C6orf118: variants seen among roughly 807,000 people sequenced by gnomAD.
The protein encoded by C6orf118 is chromosome 6 open reading frame 118.
Under a neutral mutation model 50.2 loss-of-function variants are expected in C6orf118, and 50 were observed. That is an observed-to-expected ratio of 1.00 (90% CI 0.79 to 1.26). The LOEUF (loss-of-function observed/expected upper bound fraction) is 1.26, where lower values mean the gene tolerates loss of function less well. Among genes scored for constraint, C6orf118 ranks in the 50% most tolerant of loss-of-function variants. C6orf118 has a pLI of 0.00. For missense variants in C6orf118, 641 were observed against 578.7 expected (o/e 1.11, Z -1.10); for synonymous variants, 239 against 230.9 (o/e 1.03, Z -0.32).
At chr6:165,291,333 G>GTA (rs1780097747) in intron 6 of C6orf118, among the ~76,000 whole-genome samples, 1 of 152,218 alleles carries the variant, frequency 6.6e-6, no homozygotes, top group African/African-American at 2.4e-5. Flanking sequence ...TAGCTCAGTT[G>GTA]TAGCTAGAAA....
intron 1 of C6orf118, among the ~76,000 whole-genome samples, chr6:165,302,812 C>G (rs762641311): frequency 6.6e-6 from 1 of 152,170 alleles, no homozygotes; most frequent in Non-Finnish European, 1.5e-5. Flanking sequence ...CCTACAGAGC[C>G]AACCCCCAGG....
At chr6:165,300,630 G>C in intron 2 of C6orf118, 144 bp from the exon 3 acceptor site, 1 of 636,890 alleles carries the variant, frequency 1.6e-6, no homozygotes, top group South Asian at 2.3e-5. Flanking sequence ...CGGGGGTTCT[G>C]ATCCCTCCCA....
At chr6:165,306,424 T>C (rs112208560) in intron 1 of C6orf118, among the ~76,000 whole-genome samples, 12,415 of 132,194 alleles carry the variant, frequency 0.094, 719 homozygotes, top group Non-Finnish European at 0.13. Flanking sequence ...TGTATACATA[T>C]GTAACTAACC....
At chr6:165,297,649 T>TA (rs949985600) in intron 5 of C6orf118, among the ~76,000 whole-genome samples, 10 of 152,072 alleles carry the variant, frequency 6.6e-5, no homozygotes, top group African/African-American at 2.2e-4. Context: ...CTTTGTAAGT[T>TA]AAAAAACAAT....
intron 5 of C6orf118, among the ~76,000 whole-genome samples, chr6:165,297,492 T>C (rs886478798): frequency 6.6e-6 from 1 of 152,144 alleles, no homozygotes; most frequent in Non-Finnish European, 1.5e-5. Flanking sequence ...ATTTTGTTTT[T>C]TGGTTTTGTT....
chr6:165,281,440 T>G, intron 8 of C6orf118, 200 bp downstream of exon 8: 3 of 1,219,722 alleles, frequency 2.5e-6, no homozygotes, highest in Non-Finnish European at 3.2e-6. Flanking sequence ...GAGAACAGCA[T>G]GATACTGCTC....
intron 5 of C6orf118, among the ~76,000 whole-genome samples, 191 bp from the exon 6 acceptor site, chr6:165,293,662 T>C (rs927886496): frequency 6.6e-6 from 1 of 152,248 alleles, no homozygotes; most frequent in African/African-American, 2.4e-5. Flanking sequence ...AAAATAATAC[T>C]GTCTTACCAA....
At chr6:165,284,568 C>G (rs1779840068) in intron 7 of C6orf118, among the ~76,000 whole-genome samples, 1 of 151,988 alleles carries the variant, frequency 6.6e-6, no homozygotes, top group Non-Finnish European at 1.5e-5. Context: ...TTAAGGGTAG[C>G]CAGAGAGAAA....
At chr6:165,286,957 G>T (rs1041352850) in intron 7 of C6orf118, among the ~76,000 whole-genome samples, 1 of 152,060 alleles carries the variant, frequency 6.6e-6, no homozygotes, top group Non-Finnish European at 1.5e-5. Flanking sequence ...AGAAATAAAG[G>T]GTATTGAAAT....
rs776887434 is a variant in C6orf118 at position 165,309,571 on chromosome 6, C to T, written c.16G>A (p.Glu6Lys). The T allele has an allele frequency of 5.6e-6, 9 of 1,614,084 alleles. No individual in the cohort carries two copies. The South Asian group carries it at 9.9e-5, about 18-fold the overall frequency. Residue 6 changes from glutamate (E) to lysine (K), a missense_variant, in exon 1 of 9, where the codon GAG becomes AAG. Physicochemically the swap from Glu to Lys is moderately conservative, Grantham distance 56. Transcript: ENST00000230301. MAEER[E>K]PELYLKWKHC... ...GCTCCAGGCCACTTACATTCAGGCT[C>T]CCGCTCCTCCGCCATCGCTTCCTTC...
chr6:165,290,034 C>A lies in C6orf118; in HGVS notation c.1154G>T (p.Arg385Leu), dbSNP rs17856754. Reference sequence around the variant, plus strand: ...TTCAACCTTCTCAGTAAGAGTAAGTCGGTTTTCATCAATTATATGTTTCTC... The same window carrying A: ...TTCAACCTTCTCAGTAAGAGTAAGTAGGTTTTCATCAATTATATGTTTCTC... ...SSEKHIIDEN[R>L]LTLTEKVEKK... is the part of the protein sequence containing the mutation. The change falls in exon 7 of 9, where the codon CGA becomes CTA. Residue 385 changes from arginine to leucine, a missense_variant. Transcript: ENST00000230301. 8 of 1,604,854 alleles carry A rather than the reference C, an allele frequency of 5.0e-6. No individual in the cohort carries two copies. The highest frequency in any genetic ancestry group is 6.8e-6 in the Non-Finnish European group (8 of 1,176,506).
intron 6 of C6orf118, among the ~76,000 whole-genome samples, chr6:165,292,516 CTTTTTTGT>C (rs1009819694): frequency 7.2e-5 from 11 of 152,052 alleles, no homozygotes; most frequent in African/African-American, 2.2e-4. Flanking sequence ...TAAGTTTCTG[CTTTTTTGT>C]TTTTTTGTTT....
chr6:165,281,748 T>C (rs1350312105), intron 7 of C6orf118, 55 bp from the exon 8 acceptor site: 1 of 1,098,112 alleles, frequency 9.1e-7, no homozygotes, highest in East Asian at 2.9e-5. Flanking sequence ...ATTTGTTAAT[T>C]ATTTTTCTCT....
rs779071275 is a variant in C6orf118 at position 165,302,025 on chromosome 6, T to C, written c.297A>G (p.Ala99=). 1.2e-6 allele frequency: 2 copies of C among 1,613,484 alleles called. No homozygotes were observed. Among genetic ancestry groups the C allele is most frequent in the Non-Finnish European group, 1.7e-6 (2 of 1,179,832 alleles). ...ERASEVGEPP[A]GKVARMKEAL... ...CCTCCTTCATCCTCGCCACCTTCCC[T>C]GCGGGCGGCTCTCCCACCTCAGAGG... is the stretch of plus-strand genomic sequence containing the variant. Residue 99 remains alanine, a synonymous_variant, in exon 2 of 9, where the codon GCA becomes GCG. Transcript: ENST00000230301.
Position 165,300,461 on chromosome 6 carries a change from C to A in C6orf118, c.779G>T (p.Ser260Ile). The A allele has an allele frequency of 6.2e-7, 1 of 1,612,630 alleles. No homozygotes were observed. Among genetic ancestry groups the A allele is most frequent in the African/African-American group, 1.3e-5 (1 of 74,942 alleles). The change falls in exon 3 of 9, where the codon AGC becomes ATC. Residue 260 changes from serine (S) to isoleucine (I), a missense_variant. Ser to Ile is a moderately radical substitution (Grantham distance 142). Transcript: ENST00000230301. ...QQELQKICTC[S>I]PQQFNRLHVF... ...GTGCAGTCTGTTGAACTGCTGGGGG[C>A]TGCACGTGCAAATTTTCTGGAGCTC... is the stretch of plus-strand genomic sequence containing the variant.
At chr6:165,290,715 G>A (rs1464224543) in intron 6 of C6orf118, among the ~76,000 whole-genome samples, 1 of 152,176 alleles carries the variant, frequency 6.6e-6, no homozygotes, top group Admixed American at 6.5e-5. Context: ...ATTGTGTCCT[G>A]AAAGTGGATC....
chr6:165,303,561 G>A (rs1780639569), intron 1 of C6orf118, among the ~76,000 whole-genome samples: 1 of 133,982 alleles, frequency 7.5e-6, no homozygotes, highest in Non-Finnish European at 1.6e-5. Flanking sequence ...CAACAAAATT[G>A]ATAGACCGCT....
chr6:165,284,233 T>C (rs1317296962), intron 7 of C6orf118, among the ~76,000 whole-genome samples: 3 of 151,876 alleles, frequency 2.0e-5, no homozygotes, highest in African/African-American at 7.3e-5. Context: ...ATCTCAGAGC[T>C]TGAAGAATAT....
rs923841198 is a variant in C6orf118, at chr6:165,291,366, C to G, written c.1121-1299G>C. 1.1e-4 allele frequency among the ~76,000 whole-genome samples: 17 copies of G among 152,280 alleles called. No individual in the cohort carries two copies. In the East Asian group the frequency reaches 3.1e-3, roughly 28 times the overall value. On this transcript the variant is annotated intron_variant, in intron 6 of 8. Coordinates refer to ENST00000230301, the MANE Select transcript of C6orf118 (RefSeq NM_144980.4). ...AAAGAAAACAATGAGTTCAATGAAGCATGGAGGTAAGAAAGAACTTGGTTT... is the reference window on the plus strand; with the variant it reads ...AAAGAAAACAATGAGTTCAATGAAGGATGGAGGTAAGAAAGAACTTGGTTT...
Sources: gnomAD v4.1 joint callset for allele counts (sites outside exome capture counted in the v4.1 genomes callset) on GRCh38, gnomAD v4.1.1 for gene constraint, MANE v1.5 for transcripts, NCBI Gene and HGNC (gene_info 2026-07-23, HGNC 2026-07-21) for gene names.